The following CRB2 variants were observed in gnomAD, a reference collection of about 807,000 sequenced individuals.
CRB2 encodes protein crumbs homolog 2.
Under a neutral mutation model 110.9 loss-of-function variants are expected in CRB2, and 85 were observed. The ratio of observed to expected loss-of-function variants is 0.77; its 90% CI spans 0.64 to 0.92. The LOEUF is 0.92. CRB2 is among the 40% of genes least tolerant of loss of function. CRB2 has a pLI of 0.00. For missense variants in CRB2, 1,843 were observed against 1,851.3 expected (o/e 1.00, Z 0.08); for synonymous variants, 907 against 831.0 (o/e 1.09, Z -1.57).
intron 6 of CRB2, among the ~76,000 whole-genome samples, chr9:123,369,739 T>C (rs916240349): frequency 3.9e-5 from 6 of 152,088 alleles, no homozygotes; most frequent in Non-Finnish European, 8.8e-5. Flanking sequence ...GGCGATGCTT[T>C]AGAAATGGAC....
rs1022168126 is a variant in CRB2 at position 123,374,089 on chromosome 9, G to T, written c.3389+169G>T. The T allele has an allele frequency of 5.2e-6, 5 of 963,406 alleles. No individual in the cohort carries two copies. The African/African-American group carries it at 8.1e-5, about 16-fold the overall frequency. 59.7% of individuals were successfully genotyped at this position (963,406 alleles called of 1,614,324 possible). A position where few individuals can be genotyped will look rare whatever the true frequency, so the allele number is the denominator to read the frequency against. On this transcript the variant is annotated intron_variant, in intron 10 of 12. Transcript: ENST00000373631. ...TTGATAAATTTCCTGATAAAATACA[G>T]ATCAAAACACAACCAGTTAGCCTGG... is the stretch of plus-strand genomic sequence containing the variant.
At chr9:123,359,446 T>A in intron 1 of CRB2, among the ~76,000 whole-genome samples, 1 of 122,460 alleles carries the variant, frequency 8.2e-6, no homozygotes, top group South Asian at 3.2e-4. Flanking sequence ...GTTTTGTTTT[T>A]TTTTTTTTTT....
chr9:123,366,196 G>C lies in CRB2; in HGVS notation c.615-31G>C. 8 of 1,391,806 alleles carry C rather than the reference G, an allele frequency of 5.7e-6. No homozygotes were observed. In the South Asian group the frequency reaches 1.1e-4, roughly 19 times the overall value. 86.2% of individuals were successfully genotyped at this position (1,391,806 alleles called of 1,614,324 possible). A position where few individuals can be genotyped will look rare whatever the true frequency, so the allele number is the denominator to read the frequency against. On this transcript the variant is annotated intron_variant, in intron 3 of 12. Transcript: ENST00000373631. ...GGCGCGGGGCAGAAGGGGCAGGCGCGCGCTCAGCTCCGCCGGTGCGCCCTC... is the reference window on the plus strand; with the variant it reads ...GGCGCGGGGCAGAAGGGGCAGGCGCCCGCTCAGCTCCGCCGGTGCGCCCTC...
intron 1 of CRB2, among the ~76,000 whole-genome samples, chr9:123,359,088 G>T (rs2041831553): frequency 6.6e-6 from 1 of 152,270 alleles, no homozygotes; most frequent in South Asian, 2.1e-4. Flanking sequence ...CTCCGTCCCT[G>T]ACAGCTATTG....
chr9:123,368,872 C>A, intron 6 of CRB2: 1 of 1,267,400 alleles, frequency 7.9e-7, no homozygotes, highest in Non-Finnish European at 1.0e-6. Flanking sequence ...CCACCACTCT[C>A]AACCTGTCTG....
chr9:123,354,596 C>A (rs2041779379), upstream of CRB2, among the ~76,000 whole-genome samples: 3 of 152,230 alleles, frequency 2.0e-5, no homozygotes, highest in Non-Finnish European at 2.9e-5. Context: ...CGCTGTGAGG[C>A]CTCTGCTTTT....
intron 2 of CRB2, among the ~76,000 whole-genome samples, chr9:123,364,738 C>T (rs960569205): frequency 6.6e-6 from 1 of 152,174 alleles, no homozygotes; most frequent in Admixed American, 6.5e-5. Context: ...CCAGGATGAT[C>T]TCAGGCAGCG....
chr9:123,367,252 C>T lies in CRB2; in HGVS notation c.835C>T (p.Arg279Cys), dbSNP rs562401090. 9.4e-6 allele frequency: 15 copies of T among 1,593,950 alleles called. No homozygotes were observed. Among genetic ancestry groups the T allele is most frequent in the South Asian group, 4.5e-5 (4 of 89,206 alleles). ...CCAGCATGGGGGCCGATGCCTGCAG[C>T]GCTCTGACCCGGCCCTCTACGGGGG... ...PCQHGGRCLQ[R>C]SDPALYGGVQ... Residue 279 changes from arginine to cysteine, a missense_variant, in exon 5 of 13, where the codon CGC becomes TGC. By Grantham distance (180) the Arg-to-Cys change is radical. Transcript: ENST00000373631.
chr9:123,367,443 C>A (rs1409927703), intron 5 of CRB2, 86 bp downstream of exon 5: 16 of 991,660 alleles, frequency 1.6e-5, no homozygotes, highest in South Asian at 8.7e-5. Flanking sequence ...CCCCCACCCC[C>A]CCACCCCACA....
chr9:123,356,431 T>C, intron 1 of CRB2, 77 bp downstream of exon 1: 1 of 1,221,566 alleles, frequency 8.2e-7, no homozygotes, highest in South Asian at 1.6e-5. Flanking sequence ...CCTTGGCTGC[T>C]GGGGTGGTGG....
upstream of CRB2, among the ~76,000 whole-genome samples, chr9:123,355,268 G>A (rs73569271): frequency 0.021 from 3,268 of 152,262 alleles, 118 homozygotes; most frequent in African/African-American, 0.075. Context: ...AGCAAACATC[G>A]AGTGCAGCAG....
rs2041959472 is a variant in CRB2, at chr9:123,367,793, A to G, written c.1054+107A>G. ...ATTGATGGGGTCAAGGAGATCAGGG[A>G]GGAGGTGGGTATGGTGGCCCAGGTG... On this transcript the variant is annotated intron_variant, in intron 6 of 12. Transcript: ENST00000373631. The G allele has an allele frequency of 1.4e-5, 11 of 774,604 alleles. No individual in the cohort carries two copies. In the South Asian group the frequency reaches 1.9e-4, roughly 13 times the overall value. The allele number at this position is 774,604 out of a possible 1,614,324, so 48.0% of individuals were successfully genotyped here. A position where few individuals can be genotyped will look rare whatever the true frequency, so the allele number is the denominator to read the frequency against.
rs2042142749 is a variant in CRB2, at chr9:123,378,595, G to A, written c.*1533G>A. On this transcript the variant is annotated 3_prime_UTR_variant, in exon 13 of 13. Transcript: ENST00000373631. Reference sequence around the variant, plus strand: ...GCTTGGTCCTTATCCTGTAGGAGGTGGGACCACCTTTCCCTGAACTTTCTC... The same window carrying A: ...GCTTGGTCCTTATCCTGTAGGAGGTAGGACCACCTTTCCCTGAACTTTCTC... 2 of 152,212 alleles carry A rather than the reference G, an allele frequency of 1.3e-5. No individual in the cohort carries two copies. Among genetic ancestry groups the A allele is most frequent in the African/African-American group, 4.8e-5 (2 of 41,434 alleles). The allele number at this position is 152,212 out of a possible 1,614,324, so 9.4% of individuals were successfully genotyped here.
At position 123,371,330 on chromosome 9, in the gene CRB2, A is replaced by T; in HGVS notation, c.2188A>T (p.Met730Leu). ...GGATGATGGGCTCCGTCACCTGGTG[A>T]TGCTCAGCTTCGGGCCTGACCAGCT... ...RWDDGLRHLVMLSFGPDQLQD... is the reference protein window; with the variant it reads ...RWDDGLRHLVLLSFGPDQLQD... The change falls in exon 8 of 13, where the codon ATG becomes TTG. Residue 730 changes from methionine to leucine, a missense_variant. Transcript: ENST00000373631. 6.2e-7 allele frequency: 1 copy of T among 1,608,908 alleles called. No homozygotes were observed. The highest frequency in any genetic ancestry group is 8.5e-7 in the Non-Finnish European group (1 of 1,177,054).
Position 123,362,981 on chromosome 9 carries a change from TG to T in CRB2, c.212del (p.Cys71LeufsTer71). ...CTGTGGGCCCATGGAGCCCCGGGGC[TG>T]TGCCACCCAGCCATGCCACCACGGC... Reference protein sequence around the residue: ...YTCGPMEPRGCATQPCHHGAL... With the variant: ...YTCGPMEPRGXATQPCHHGAL... On this transcript the variant is annotated frameshift_variant, in exon 2 of 13. Coordinates refer to ENST00000373631, the MANE Select transcript of CRB2 (RefSeq NM_173689.7). LOFTEE classifies it high-confidence loss of function. 1 of 1,612,250 alleles carries T rather than the reference TG, an allele frequency of 6.2e-7. No homozygotes were observed. The highest frequency in any genetic ancestry group is 8.5e-7 in the Non-Finnish European group (1 of 1,179,450).
At chr9:123,362,617 G>T (rs542221261) in intron 1 of CRB2, among the ~76,000 whole-genome samples, 1 of 152,248 alleles carries the variant, frequency 6.6e-6, no homozygotes, top group East Asian at 1.9e-4. Flanking sequence ...CACTAATCCT[G>T]CCCAGAAGCC....
rs569931605 is a variant in CRB2 at position 123,363,746 on chromosome 9, G to C, written c.418+558G>C. The stretch of plus-strand genomic sequence containing the variant: ...ATACCCCAGGGATCGCTGCTGTCTG[G>C]AGTGGGATAATATATACGTAAGTGC... On this transcript the variant is annotated intron_variant, in intron 2 of 12. Transcript: ENST00000373631. 1.1e-4 allele frequency among the ~76,000 whole-genome samples: 17 copies of C among 152,332 alleles called. No homozygotes were observed. In the South Asian group the frequency reaches 3.5e-3, roughly 32 times the overall value.
Position 123,367,081 on chromosome 9 carries a change from T to A in CRB2, c.755-91T>A, listed in dbSNP as rs2041943179. 5.2e-6 allele frequency: 7 copies of A among 1,352,300 alleles called. 1 individual carries two copies. Among genetic ancestry groups the A allele is most frequent in the Non-Finnish European group, 6.9e-6 (7 of 1,011,570 alleles). The allele number at this position is 1,352,300 out of a possible 1,614,324, so 83.8% of individuals were successfully genotyped here. A position where few individuals can be genotyped will look rare whatever the true frequency, so the allele number is the denominator to read the frequency against. ...ATTCGTGGCTTATTCCGAGCTGCGG[T>A]CCCTTGCTGGCCCTCGCTAGCCTGG... On this transcript the variant is annotated intron_variant, in intron 4 of 12. Transcript: ENST00000373631.
At position 123,378,129 on chromosome 9, in the gene CRB2, AG is replaced by A. The variant is rs2042132822; in HGVS notation, c.*1069del. ...GCTGCCTCTACACAGACTCGGCGAGAGGACTTGAAGGAAGCCCTCTGGGTTG... is the reference window on the plus strand; with the variant it reads ...GCTGCCTCTACACAGACTCGGCGAGAGACTTGAAGGAAGCCCTCTGGGTTG... On this transcript the variant is annotated 3_prime_UTR_variant, in exon 13 of 13. Coordinates refer to ENST00000373631, the MANE Select transcript of CRB2 (RefSeq NM_173689.7). 6.6e-6 allele frequency: 1 copy of A among 152,242 alleles called. No individual in the cohort carries two copies. The highest frequency in any genetic ancestry group is 2.4e-5 in the African/African-American group (1 of 41,434). The allele number at this position is 152,242 out of a possible 1,614,324, so 9.4% of individuals were successfully genotyped here. A position where few individuals can be genotyped will look rare whatever the true frequency, so the allele number is the denominator to read the frequency against.
Sources: gnomAD v4.1 joint callset for allele counts (sites outside exome capture counted in the v4.1 genomes callset) on GRCh38, gnomAD v4.1.1 for gene constraint, MANE v1.5 for transcripts, NCBI Gene and HGNC (gene_info 2026-07-23, HGNC 2026-07-21) for gene names.